The following HS6ST3 variants were observed in gnomAD, a reference collection of about 807,000 sequenced individuals.
HS6ST3 encodes the protein heparan sulfate 6-O-sulfotransferase 3.
In HS6ST3, 12 loss-of-function variants were observed where a neutral mutation model predicts 36.7. The ratio of observed to expected loss-of-function variants is 0.33; its 90% CI spans 0.21 to 0.53. HS6ST3 has a LOEUF of 0.53. Ranked by LOEUF, HS6ST3 falls within the 20% of genes least tolerant of loss-of-function variation. The pLI is 0.95. For missense variants in HS6ST3, 584 were observed against 640.9 expected (o/e 0.91, Z 0.96); for synonymous variants, 240 against 257.5 (o/e 0.93, Z 0.65).
chr13:96,151,305 G>A (rs2054083718), intron 1 of HS6ST3, among the ~76,000 whole-genome samples: 1 of 152,046 alleles, frequency 6.6e-6, no homozygotes, highest in Admixed American at 6.6e-5. Flanking sequence ...TTGGGAAGCT[G>A]AGGCAGGAGA....
At chr13:96,246,144 G>A (rs1382442639) in intron 1 of HS6ST3, among the ~76,000 whole-genome samples, 1 of 152,030 alleles carries the variant, frequency 6.6e-6, no homozygotes, top group African/African-American at 2.4e-5. Flanking sequence ...TGACCTATTA[G>A]TTTCTCTCTC....
chr13:96,143,815 G>A (rs2054043456), intron 1 of HS6ST3, among the ~76,000 whole-genome samples: 2 of 151,892 alleles, frequency 1.3e-5, no homozygotes, highest in African/African-American at 4.8e-5. Flanking sequence ...TTCATATCAG[G>A]GCTTAGCAGC....
intron 1 of HS6ST3, among the ~76,000 whole-genome samples, chr13:96,281,383 A>G (rs2054775427): frequency 6.6e-6 from 1 of 152,190 alleles, no homozygotes; most frequent in Non-Finnish European, 1.5e-5. Context: ...AAATGTGAGT[A>G]TTGTTAACAA....
At chr13:96,361,029 A>G (rs562823298) in intron 1 of HS6ST3, among the ~76,000 whole-genome samples, 11 of 152,248 alleles carry the variant, frequency 7.2e-5, no homozygotes, top group Non-Finnish European at 1.5e-5. Flanking sequence ...AAAGACTAAG[A>G]TACTGGAAAC....
intron 1 of HS6ST3, among the ~76,000 whole-genome samples, chr13:96,791,602 T>G (rs189257970): frequency 7.2e-4 from 109 of 152,156 alleles, no homozygotes; most frequent in African/African-American, 2.5e-3. Flanking sequence ...ATACCCCCAT[T>G]GTCATTCTCA....
At chr13:96,359,910 C>G (rs1369093791) in intron 1 of HS6ST3, among the ~76,000 whole-genome samples, 1 of 152,120 alleles carries the variant, frequency 6.6e-6, no homozygotes, top group Non-Finnish European at 1.5e-5. Flanking sequence ...TGCACTGAAG[C>G]AGGAGTTGAC....
chr13:96,512,347 A>G (rs147064777), intron 1 of HS6ST3, among the ~76,000 whole-genome samples: 56 of 152,330 alleles, frequency 3.7e-4, no homozygotes, highest in African/African-American at 1.3e-3. Flanking sequence ...TTTCTTTCAC[A>G]ATATTGAACT....
At chr13:96,658,475 G>T (rs1428855926) in intron 1 of HS6ST3, among the ~76,000 whole-genome samples, 7 of 150,138 alleles carry the variant, frequency 4.7e-5, no homozygotes, top group Non-Finnish European at 5.9e-5. Flanking sequence ...TAGAGATGGG[G>T]TTTCACCATG....
rs371274229 is a variant in HS6ST3, at chr13:96,333,910, G to C, written c.707+242341G>C. ...CCAGGGGGAAGCTTATATATAGCAA[G>C]TGGGGTGGAATTAGGGAAGTTTTGA... On this transcript the variant is annotated intron_variant, in intron 1 of 1. Coordinates refer to ENST00000376705, the MANE Select transcript of HS6ST3 (RefSeq NM_153456.4). 4.2e-4 allele frequency among the ~76,000 whole-genome samples: 64 copies of C among 152,234 alleles called. 2 individuals are homozygous for C. In the South Asian group the frequency reaches 0.013, roughly 30 times the overall value.
intron 1 of HS6ST3, among the ~76,000 whole-genome samples, chr13:96,319,196 A>G (rs1377993351): frequency 1.3e-5 from 2 of 152,176 alleles, no homozygotes; most frequent in South Asian, 2.1e-4. Flanking sequence ...GACATTTTCT[A>G]TAAACAGAAT....
intron 1 of HS6ST3, among the ~76,000 whole-genome samples, chr13:96,751,060 C>CT (rs969061506): frequency 2.6e-5 from 4 of 151,916 alleles, no homozygotes; most frequent in African/African-American, 4.8e-5. Flanking sequence ...GAGAATCACA[C>CT]TTTTTTTTAC....
chr13:96,514,564 A>G (rs891358386), intron 1 of HS6ST3, among the ~76,000 whole-genome samples: 15 of 152,168 alleles, frequency 9.9e-5, no homozygotes, highest in African/African-American at 3.6e-4. Context: ...TGGCCTTAGA[A>G]GAAGAGGAGG....
intron 1 of HS6ST3, among the ~76,000 whole-genome samples, chr13:96,259,508 A>G (rs555782845): frequency 1.4e-4 from 22 of 152,230 alleles, no homozygotes; most frequent in Non-Finnish European, 3.1e-4. Flanking sequence ...TGTAAAATCT[A>G]GACAAATCCA....
At chr13:96,555,557 C>T (rs1310993541) in intron 1 of HS6ST3, among the ~76,000 whole-genome samples, 2 of 152,216 alleles carry the variant, frequency 1.3e-5, no homozygotes, top group African/African-American at 2.4e-5. Flanking sequence ...AAACCTACAG[C>T]GACATTGTAT....
Position 96,837,291 on chromosome 13 carries a change from TG to T in HS6ST3, c.*4095del, listed in dbSNP as rs377336221. ...ATTCATCACTTTGTGTAGCATTTAA[TG>T]GTTTTCAGAACATTTTTGCATGTGC... On this transcript the variant is annotated 3_prime_UTR_variant, in exon 2 of 2. Transcript: ENST00000376705. 180 of 152,358 alleles carry T rather than the reference TG, an allele frequency of 1.2e-3. No homozygotes were observed. Among genetic ancestry groups the T allele is most frequent in the African/African-American group, 4.0e-3 (167 of 41,590 alleles). 9.4% of individuals were successfully genotyped at this position (152,358 alleles called of 1,614,324 possible).
intron 1 of HS6ST3, among the ~76,000 whole-genome samples, chr13:96,731,002 A>G (rs1295600224): frequency 6.6e-6 from 1 of 152,190 alleles, no homozygotes; most frequent in Non-Finnish European, 1.5e-5. Flanking sequence ...GAAGTGCAAC[A>G]TGATGTTTTG....
At chr13:96,274,012 CTCTT>C (rs140627684) in intron 1 of HS6ST3, among the ~76,000 whole-genome samples, 1 of 138,654 alleles carries the variant, frequency 7.2e-6, no homozygotes. Context: ...TTCTCTCTCT[CTCTT>C]TCTCTTTCTC....
At chr13:96,178,948 A>G (rs1355849349) in intron 1 of HS6ST3, among the ~76,000 whole-genome samples, 1 of 152,246 alleles carries the variant, frequency 6.6e-6, no homozygotes, top group South Asian at 2.1e-4. Flanking sequence ...GCATTGGGCC[A>G]AATACTAAGA....
chr13:96,281,718 A>G (rs374988782), intron 1 of HS6ST3, among the ~76,000 whole-genome samples: 1 of 152,200 alleles, frequency 6.6e-6, no homozygotes, highest in African/African-American at 2.4e-5. Context: ...GGTCATAGGC[A>G]TATTTCCAAA....
Sources: gnomAD v4.1 joint callset for allele counts (sites outside exome capture counted in the v4.1 genomes callset) on GRCh38, gnomAD v4.1.1 for gene constraint, MANE v1.5 for transcripts, NCBI Gene and HGNC (gene_info 2026-07-23, HGNC 2026-07-21) for gene names.